Variants in ADGRG6 observed in about 807,000 individuals in gnomAD.
ADGRG6 encodes G-protein coupled receptor 126.
Under a neutral mutation model 142.4 loss-of-function variants are expected in ADGRG6, and 84 were observed. The ratio of observed to expected loss-of-function variants is 0.59; its 90% confidence interval spans 0.49 to 0.71. The LOEUF (loss-of-function observed/expected upper bound fraction) is 0.71, where lower values mean the gene tolerates loss of function less well. Ranked by LOEUF, ADGRG6 falls within the 30% of genes least tolerant of loss-of-function variation. ADGRG6 has a pLI of 0.00. For missense variants in ADGRG6, 1,367 were observed against 1,466.6 expected, an observed-to-expected ratio of 0.93 and a Z score of 1.11; for synonymous variants, 521 against 520.5, an observed-to-expected ratio of 1.00 and a Z score of -0.01.
intron 2 of ADGRG6, among the ~76,000 whole-genome samples, chr6:142,319,234 A>G (rs1252749011): frequency 6.6e-6 from 1 of 152,106 alleles, no homozygotes; most frequent in African/African-American, 2.4e-5. Context: ...TCAAACGCAT[A>G]TTTAGTTGTG....
At chr6:142,423,090 G>A (rs1333922649) in intron 22 of ADGRG6, among the ~76,000 whole-genome samples, 20 of 146,498 alleles carry the variant, frequency 1.4e-4, no homozygotes, top group Admixed American at 4.1e-4. Flanking sequence ...AGTAGGTTGC[G>A]AAAATTTTCT....
intron 4 of ADGRG6, among the ~76,000 whole-genome samples, chr6:142,380,372 G>T (rs1781715163): frequency 6.6e-6 from 1 of 152,188 alleles, no homozygotes; most frequent in African/African-American, 2.4e-5. Flanking sequence ...GGGGGCCCTA[G>T]AAGTTCATTT....
chr6:142,373,887 T>C (rs956220699), intron 4 of ADGRG6, among the ~76,000 whole-genome samples: 16 of 140,806 alleles, frequency 1.1e-4, no homozygotes, highest in South Asian at 8.8e-4. Flanking sequence ...TTTTCTTTTT[T>C]TTTTTTTTTT....
chr6:142,413,118 G>A (rs1222200992), intron 18 of ADGRG6, among the ~76,000 whole-genome samples: 1 of 151,184 alleles, frequency 6.6e-6, no homozygotes, highest in East Asian at 1.9e-4. Context: ...AAAATTGCTG[G>A]TAGAAAATCT....
chr6:142,430,327 C>T (rs958528758), intron 22 of ADGRG6, among the ~76,000 whole-genome samples: 16 of 152,228 alleles, frequency 1.1e-4, no homozygotes, highest in Admixed American at 5.9e-4. Flanking sequence ...GATGAGGACC[C>T]AAGGTTGTCT....
At chr6:142,435,726 G>A (rs975548296) in intron 22 of ADGRG6, among the ~76,000 whole-genome samples, 6 of 152,090 alleles carry the variant, frequency 3.9e-5, no homozygotes, top group African/African-American at 1.4e-4. Flanking sequence ...AGACGATCAA[G>A]CAAAGGAATA....
chr6:142,356,166 A>G (rs1780432251), intron 2 of ADGRG6, among the ~76,000 whole-genome samples: 2 of 152,254 alleles, frequency 1.3e-5, no homozygotes, highest in Admixed American at 6.5e-5. Context: ...TATAAAAGTA[A>G]TAAGCTATTT....
intron 6 of ADGRG6, among the ~76,000 whole-genome samples, chr6:142,384,272 G>T (rs1435230672): frequency 1.3e-5 from 2 of 152,024 alleles, no homozygotes; most frequent in African/African-American, 4.8e-5. Flanking sequence ...TCACTTAAGT[G>T]AACTTTATGG....
chr6:142,422,225 A>G (rs1357025793), intron 22 of ADGRG6, among the ~76,000 whole-genome samples: 1 of 151,774 alleles, frequency 6.6e-6, no homozygotes, highest in Non-Finnish European at 1.5e-5. Flanking sequence ...CAGGTTAGTT[A>G]CATATGTATA....
intron 11 of ADGRG6, 42 bp from the exon 12 acceptor site, chr6:142,401,952 C>CTG (rs754058933): frequency 2.3e-6 from 2 of 872,408 alleles, no homozygotes; most frequent in South Asian, 3.0e-5. Context: ...CAAAATAATA[C>CTG]CAGTTATATC....
At chr6:142,388,565 A>G (rs1047319591) in intron 6 of ADGRG6, among the ~76,000 whole-genome samples, 3 of 152,122 alleles carry the variant, frequency 2.0e-5, no homozygotes, top group Admixed American at 6.5e-5. Flanking sequence ...AACTTGCTGA[A>G]CATCATAGCT....
intron 2 of ADGRG6, among the ~76,000 whole-genome samples, chr6:142,327,133 A>G (rs541923293): frequency 6.6e-6 from 1 of 152,106 alleles, no homozygotes; most frequent in Non-Finnish European, 1.5e-5. Flanking sequence ...TTTTAGATGT[A>G]ATGCAGTTGT....
intron 1 of ADGRG6, chr6:142,302,610 G>T: frequency 2.3e-6 from 1 of 437,012 alleles, no homozygotes; most frequent in East Asian, 3.5e-5. Context: ...AGAAGGGCAG[G>T]GCTTCAAGAA....
intron 2 of ADGRG6, among the ~76,000 whole-genome samples, chr6:142,314,969 G>GGA (rs1236657319): frequency 8.6e-5 from 8 of 92,704 alleles, no homozygotes; most frequent in Non-Finnish European, 1.7e-4. Context: ...GTCCAATCAT[G>GGA]GAGTGTGTGT....
At chr6:142,314,831 A>G (rs1166356623) in intron 2 of ADGRG6, among the ~76,000 whole-genome samples, 3 of 152,266 alleles carry the variant, frequency 2.0e-5, no homozygotes, top group African/African-American at 4.8e-5. Flanking sequence ...TGACTCTCTT[A>G]GTAATTAATT....
rs781730192 is a variant in ADGRG6, at chr6:142,309,527, A to G, written c.3-17A>G. The G allele has an allele frequency of 1.9e-6, 3 of 1,578,208 alleles. No individual in the cohort carries two copies. The highest frequency in any genetic ancestry group is 2.3e-5 in the South Asian group (2 of 87,984). On this transcript the variant is annotated splice_polypyrimidine_tract_variant and intron_variant, in intron 1 of 24. Coordinates refer to ENST00000367609, the MANE Select transcript of ADGRG6 (RefSeq NM_198569.3). ...CTGAATGTTGAATGTCCTAATTGCC[A>G]TCTTCTTTCTTTGCAGGATGTTTCG...
In ADGRG6 at chr6:142,318,210, TTA is replaced by T. The variant is rs1473932125; in HGVS notation, c.103+8572_103+8573del. 2.1e-3 allele frequency among the ~76,000 whole-genome samples: 78 copies of T among 37,024 alleles called. 2 individuals carry two copies. The highest frequency in any genetic ancestry group is 9.9e-3 in the African/African-American group (46 of 4,638). The allele number at this position is 37,024 out of a possible 152,430, so 24.3% of individuals were successfully genotyped here. On this transcript the variant is annotated intron_variant, in intron 2 of 24. Coordinates refer to ENST00000367609, the MANE Select transcript of ADGRG6 (RefSeq NM_198569.3). ...TATTATATATTTATATTATATATATTTATATATTATATATATTTATATTATAT... is the reference window on the plus strand; with the variant it reads ...TATTATATATTTATATTATATATATTTATATTATATATATTTATATTATAT...
At chr6:142,378,684 C>G (rs1781610535) in intron 4 of ADGRG6, among the ~76,000 whole-genome samples, 1 of 152,152 alleles carries the variant, frequency 6.6e-6, no homozygotes, top group Non-Finnish European at 1.5e-5. Context: ...GCCAAGCTTC[C>G]TCTTCTTGCA....
intron 1 of ADGRG6, among the ~76,000 whole-genome samples, chr6:142,304,605 A>G (rs1466516524): frequency 6.6e-6 from 1 of 152,234 alleles, no homozygotes; most frequent in Non-Finnish European, 1.5e-5. Flanking sequence ...TAGTTTACAT[A>G]TTAAAAATAA....
Sources: gnomAD v4.1 joint callset for allele counts (sites outside exome capture counted in the v4.1 genomes callset) on GRCh38, gnomAD v4.1.1 for gene constraint, MANE v1.5 for transcripts, NCBI Gene and HGNC (gene_info 2026-07-23, HGNC 2026-07-21) for gene names.